The following ATP8A2 variants were observed in gnomAD, a reference collection of about 807,000 sequenced individuals.
The protein encoded by ATP8A2 is phospholipid-transporting ATPase IB.
Under a neutral mutation model 165.6 loss-of-function variants are expected in ATP8A2, and 100 were observed. That is an observed-to-expected ratio of 0.60 (90% CI 0.51 to 0.71). The LOEUF (loss-of-function observed/expected upper bound fraction) is 0.71, where lower values mean the gene tolerates loss of function less well. Ranked by LOEUF, ATP8A2 falls within the 30% of genes least tolerant of loss-of-function variation. The pLI is 0.00. For missense variants in ATP8A2, 1,227 were observed against 1,479.5 expected, an observed-to-expected ratio of 0.83 and a Z score of 2.80; for synonymous variants, 543 against 548.8, an observed-to-expected ratio of 0.99 and a Z score of 0.15.
chr13:25,515,059 A>G (rs531966490), intron 2 of ATP8A2, among the ~76,000 whole-genome samples: 1 of 152,322 alleles, frequency 6.6e-6, no homozygotes, highest in African/African-American at 2.4e-5. Flanking sequence ...GGGCGGCCCC[A>G]TCAAACAGTT....
chr13:25,560,865 C>G (rs2039125863), intron 15 of ATP8A2, among the ~76,000 whole-genome samples: 2 of 151,600 alleles, frequency 1.3e-5, no homozygotes, highest in African/African-American at 4.8e-5. Context: ...AACCATGAAG[C>G]TTCGGGCAGG....
rs115693617 is a variant in ATP8A2, at chr13:25,488,548, G to A, written c.221+19427G>A. On this transcript the variant is annotated intron_variant, in intron 2 of 36. Coordinates refer to ENST00000381655, the MANE Select transcript of ATP8A2 (RefSeq NM_016529.6). The stretch of plus-strand genomic sequence containing the variant: ...TTGAGCTCAGGAGTTTGAGACCAGG[G>A]CAACATGGCAAAACCCTTTCTTTAT... 5.0e-3 allele frequency among the ~76,000 whole-genome samples: 761 copies of A among 152,232 alleles called. 5 individuals carry two copies. Among genetic ancestry groups the A allele is most frequent in the African/African-American group, 0.018 (738 of 41,528 alleles).
At chr13:25,692,638 G>A (rs9581425) in intron 24 of ATP8A2, among the ~76,000 whole-genome samples, 16,165 of 152,202 alleles carry the variant, frequency 0.11, 1,003 homozygotes, top group East Asian at 0.26. Flanking sequence ...CACTTCCACC[G>A]TCTTTCAGGG....
At chr13:25,892,478 GTCTC>G (rs144283908) in intron 33 of ATP8A2, among the ~76,000 whole-genome samples, 67 of 136,194 alleles carry the variant, frequency 4.9e-4, no homozygotes, top group South Asian at 1.4e-3. Context: ...CTGTCTCTCT[GTCTC>G]TCTCTCTCTC....
intron 24 of ATP8A2, among the ~76,000 whole-genome samples, chr13:25,601,693 G>A (rs376456899): frequency 3.9e-5 from 6 of 152,254 alleles, no homozygotes; most frequent in African/African-American, 7.2e-5. Context: ...AGTTGCTGTC[G>A]AACTGAACTC....
intron 27 of ATP8A2, among the ~76,000 whole-genome samples, chr13:25,787,686 G>A (rs2045064819): frequency 6.6e-6 from 1 of 152,174 alleles, no homozygotes. Context: ...TGGCCCAGGG[G>A]CCTCTGGTTC....
intron 33 of ATP8A2, among the ~76,000 whole-genome samples, chr13:25,889,039 A>G (rs75394825): frequency 0.01 from 1,592 of 152,120 alleles, 8 homozygotes; most frequent in Middle Eastern, 0.027. Context: ...AGAAGCAAAC[A>G]ATGTGAGTTC....
At chr13:25,819,711 A>G (rs530788043) in intron 27 of ATP8A2, among the ~76,000 whole-genome samples, 7 of 152,128 alleles carry the variant, frequency 4.6e-5, no homozygotes, top group African/African-American at 1.7e-4. Context: ...CAATACTGCA[A>G]AACAAGATGG....
At chr13:26,000,428 G>A (rs969827350) in intron 35 of ATP8A2, among the ~76,000 whole-genome samples, 2 of 152,164 alleles carry the variant, frequency 1.3e-5, no homozygotes, top group African/African-American at 4.8e-5. Flanking sequence ...TAACAGAAAT[G>A]TGGACACAAG....
intron 1 of ATP8A2, among the ~76,000 whole-genome samples, chr13:25,416,430 C>A (rs1239410644): frequency 3.3e-5 from 5 of 152,110 alleles, no homozygotes; most frequent in East Asian, 3.9e-4. Context: ...CTGCTCCCAC[C>A]CCACCCCCAT....
Position 25,505,760 on chromosome 13 carries a change from A to G in ATP8A2, c.222-24239A>G, listed in dbSNP as rs144086407. Among the ~76,000 whole-genome samples the G allele has an allele frequency of 3.4e-3, 514 of 152,316 alleles. 2 individuals carry two copies. The highest frequency in any genetic ancestry group is 4.8e-3 in the Non-Finnish European group (328 of 68,032). ...TGGCTCTACATAACTTATTATTATT[A>G]TATACAATATATGCTATATCATATT... On this transcript the variant is annotated intron_variant, in intron 2 of 36. Transcript: ENST00000381655.
At chr13:25,992,218 C>CTTTTTTTTT (rs560341350) in intron 35 of ATP8A2, among the ~76,000 whole-genome samples, 2 of 120,556 alleles carry the variant, frequency 1.7e-5, no homozygotes, top group Admixed American at 8.3e-5. Context: ...CAGTGCTGTC[C>CTTTTTTTTT]TTTTTTTTTT....
chr13:25,455,311 A>T (rs548130649), intron 1 of ATP8A2, among the ~76,000 whole-genome samples: 1 of 152,310 alleles, frequency 6.6e-6, no homozygotes, highest in African/African-American at 2.4e-5. Flanking sequence ...ATAGACACTC[A>T]GCTATGATTC....
At chr13:25,732,824 CT>C (rs112623690) in intron 25 of ATP8A2, among the ~76,000 whole-genome samples, 42 of 151,272 alleles carry the variant, frequency 2.8e-4, no homozygotes, top group South Asian at 6.3e-4. Context: ...TGTATTATTG[CT>C]TTTTTTTTGT....
At chr13:25,871,688 T>C (rs1308599768) in intron 33 of ATP8A2, among the ~76,000 whole-genome samples, 1 of 152,208 alleles carries the variant, frequency 6.6e-6, no homozygotes, top group Admixed American at 6.5e-5. Flanking sequence ...TGACTATTGC[T>C]TACATCATCA....
intron 27 of ATP8A2, among the ~76,000 whole-genome samples, chr13:25,785,894 G>A (rs1034828343): frequency 9.2e-5 from 14 of 152,320 alleles, no homozygotes; most frequent in African/African-American, 2.9e-4. Context: ...TACCATGATG[G>A]AAAATGATCC....
chr13:25,532,141 AT>A (rs1417808102), intron 4 of ATP8A2, 130 bp from the exon 5 acceptor site: 1 of 727,538 alleles, frequency 1.4e-6, no homozygotes, highest in African/African-American at 1.8e-5. Flanking sequence ...GTCTAACTGA[AT>A]TTTACAGCAT....
chr13:25,876,806 A>G (rs921995326), intron 33 of ATP8A2, among the ~76,000 whole-genome samples: 5 of 152,232 alleles, frequency 3.3e-5, no homozygotes, highest in African/African-American at 1.2e-4. Context: ...AAAGAAAGAA[A>G]GAATTTTTCC....
intron 24 of ATP8A2, among the ~76,000 whole-genome samples, chr13:25,693,526 T>C (rs148324221): frequency 6.6e-6 from 1 of 152,048 alleles, no homozygotes; most frequent in Non-Finnish European, 1.5e-5. Flanking sequence ...TCTGAGCAGA[T>C]GAAGGGCAGG....
Sources: allele counts gnomAD v4.1 joint callset (sites outside exome capture counted in the v4.1 genomes callset), GRCh38; gene constraint gnomAD v4.1.1; transcripts MANE v1.5; gene names NCBI Gene and HGNC (gene_info 2026-07-23, HGNC 2026-07-21).